ATL1: variants seen among roughly 807,000 people sequenced by gnomAD.
ATL1 encodes the protein atlastin-1.
A neutral mutation model predicts 75.5 loss-of-function variants in ATL1; 31 were observed. The observed-to-expected ratio is 0.41, with a 90% CI of 0.31 to 0.55. ATL1 has a LOEUF of 0.55. ATL1 is among the 20% of genes least tolerant of loss of function. The probability of loss-of-function intolerance (pLI) is 0.27; values close to 1 mark genes in which losing one functional copy is unlikely to be tolerated. For synonymous variants in ATL1, 226 were observed against 233.3 expected (o/e 0.97, Z 0.28); for missense variants, 405 against 662.6 (o/e 0.61, Z 4.27).
At chr14:50,570,544 A>G (rs1206028673) in intron 1 of ATL1, among the ~76,000 whole-genome samples, 3 of 151,948 alleles carry the variant, frequency 2.0e-5, no homozygotes, top group Non-Finnish European at 4.4e-5. Flanking sequence ...CTCAGTGTGG[A>G]ATTTCTTTTT....
rs200314808 is a variant in ATL1 at position 50,587,992 on chromosome 14, G to A, written c.196G>A (p.Glu66Lys). 5 of 1,614,064 alleles carry A rather than the reference G, an allele frequency of 3.1e-6. No individual in the cohort carries two copies. The highest frequency in any genetic ancestry group is 4.2e-6 in the Non-Finnish European group (5 of 1,180,050). ...ILLSEAVRDK[E>K]VVAVSVAGAF... is the part of the protein sequence containing the mutation. ...TCTCTCGGAGGCTGTCAGAGACAAG[G>A]AGGTTGTTGCTGTATCTGTTGCTGG... Residue 66 changes from glutamate (E) to lysine (K), a missense_variant, in exon 2 of 14, where the codon GAG (glutamate) becomes AAG (lysine). Coordinates refer to ENST00000358385, the MANE Select transcript of ATL1 (RefSeq NM_015915.5).
At position 50,591,033 on chromosome 14, in the gene ATL1, A is replaced by G. The variant is rs748035787; in HGVS notation, c.375A>G (p.Ile125Met). ...AGCGAGAGACCACAGGAATTCAGATATGGAGTGAAATCTTCCTTATCAATA... is the reference window on the plus strand; with the variant it reads ...AGCGAGAGACCACAGGAATTCAGATGTGGAGTGAAATCTTCCTTATCAATA... ...GSERETTGIQ[I>M]WSEIFLINKP... is the part of the protein sequence containing the mutation. Residue 125 changes from isoleucine to methionine, a missense_variant, in exon 3 of 14, where the codon ATA (isoleucine) becomes ATG (methionine). This residue lies in a region of ATL1 where 126 missense variants were observed against 172.0 expected (regional missense o/e 0.73). Transcript: ENST00000358385. 1.2e-6 allele frequency: 2 copies of G among 1,613,590 alleles called. No homozygotes were observed. The highest frequency in any genetic ancestry group is 2.2e-5 in the East Asian group (1 of 44,854).
At chr14:50,629,287 A>C (rs2039554151) in intron 12 of ATL1, among the ~76,000 whole-genome samples, 1 of 152,140 alleles carries the variant, frequency 6.6e-6, no homozygotes, top group Non-Finnish European at 1.5e-5. Flanking sequence ...TCCAGCATTA[A>C]GAACATACTT....
At chr14:50,573,353 C>T (rs1006106683) in intron 1 of ATL1, among the ~76,000 whole-genome samples, 1 of 152,144 alleles carries the variant, frequency 6.6e-6, no homozygotes, top group Non-Finnish European at 1.5e-5. Context: ...TGTGTCTGCA[C>T]TGTCCAATAT....
chr14:50,595,522 C>A, intron 5 of ATL1, 54 bp from the exon 6 acceptor site: 1 of 411,002 alleles, frequency 2.4e-6, no homozygotes, highest in South Asian at 5.6e-5. Context: ...CTAAAGTTCT[C>A]TCTCTCTCTC....
At chr14:50,547,149 G>T (rs767119664) in intron 1 of ATL1, among the ~76,000 whole-genome samples, 23 of 152,164 alleles carry the variant, frequency 1.5e-4, no homozygotes, top group Non-Finnish European at 2.9e-4. Context: ...AAATAAGTTA[G>T]AATAGTGATT....
At chr14:50,616,264 G>T (rs773996104) in intron 8 of ATL1, among the ~76,000 whole-genome samples, 1 of 152,014 alleles carries the variant, frequency 6.6e-6, no homozygotes, top group Non-Finnish European at 1.5e-5. Context: ...CTCCCAAAGT[G>T]CTGGGATTAC....
At chr14:50,590,242 C>T (rs1004764003) in intron 2 of ATL1, among the ~76,000 whole-genome samples, 6 of 152,136 alleles carry the variant, frequency 3.9e-5, no homozygotes, top group Non-Finnish European at 7.4e-5. Context: ...ACTAACTAGC[C>T]CTACCTACTT....
intron 1 of ATL1, among the ~76,000 whole-genome samples, chr14:50,583,959 GC>G (rs147267397): frequency 0.014 from 2,154 of 152,190 alleles, 41 homozygotes; most frequent in African/African-American, 0.049. Context: ...GAAAGAAGGG[GC>G]TTTGACAGAG....
chr14:50,564,895 G>T (rs980768664), intron 1 of ATL1, among the ~76,000 whole-genome samples: 7 of 151,938 alleles, frequency 4.6e-5, no homozygotes, highest in African/African-American at 1.7e-4. Flanking sequence ...TTCTTTTCCA[G>T]TTGGCTATAT....
intron 1 of ATL1, among the ~76,000 whole-genome samples, chr14:50,570,778 T>G (rs1436150938): frequency 6.6e-6 from 1 of 152,206 alleles, no homozygotes; most frequent in Admixed American, 6.5e-5. Flanking sequence ...TTGTATACTT[T>G]GTGATTTGTT....
intron 6 of ATL1, among the ~76,000 whole-genome samples, chr14:50,599,575 T>C (rs1354268943): frequency 1.3e-5 from 2 of 152,112 alleles, no homozygotes; most frequent in African/African-American, 4.8e-5. Context: ...TGTCCATCAC[T>C]AGCAGAACAG....
intron 2 of ATL1, among the ~76,000 whole-genome samples, chr14:50,590,259 T>C (rs2039143144): frequency 6.6e-6 from 1 of 152,212 alleles, no homozygotes; most frequent in African/African-American, 2.4e-5. Flanking sequence ...ACTTCTAGAA[T>C]AGTATCTTTC....
chr14:50,552,336 A>G (rs1277861561), intron 1 of ATL1, among the ~76,000 whole-genome samples: 2 of 152,250 alleles, frequency 1.3e-5, no homozygotes, highest in East Asian at 1.9e-4. Context: ...CTCTACAAGG[A>G]AAATTACAAA....
At chr14:50,539,883 G>A (rs2038539024) in intron 1 of ATL1, among the ~76,000 whole-genome samples, 1 of 152,240 alleles carries the variant, frequency 6.6e-6, no homozygotes, top group Admixed American at 6.5e-5. Context: ...CTGGCATACT[G>A]TAGAAGAAAG....
intron 8 of ATL1, among the ~76,000 whole-genome samples, chr14:50,618,887 ATATAT>A (rs2039439174): frequency 7.5e-6 from 1 of 132,950 alleles, no homozygotes; most frequent in Non-Finnish European, 1.5e-5. Context: ...GTATATATAT[ATATAT>A]TTTTTTTTCT....
chr14:50,560,123 C>T, upstream of ATL1: 2 of 951,882 alleles, frequency 2.1e-6, no homozygotes, highest in Non-Finnish European at 3.3e-6. Flanking sequence ...CTCCTTCCCA[C>T]CAGCGCCACA....
intron 1 of ATL1, among the ~76,000 whole-genome samples, chr14:50,535,502 T>A (rs1595561563): frequency 6.6e-6 from 1 of 152,262 alleles, no homozygotes; most frequent in Non-Finnish European, 1.5e-5. Flanking sequence ...GCTCTATAGA[T>A]CTGTTAAACA....
intron 1 of ATL1, among the ~76,000 whole-genome samples, chr14:50,562,769 G>C (rs1046718604): frequency 6.6e-6 from 1 of 152,158 alleles, no homozygotes; most frequent in Non-Finnish European, 1.5e-5. Flanking sequence ...TTACTACTTA[G>C]ATTTTTCTTT....
Sources: allele counts gnomAD v4.1 joint callset (sites outside exome capture counted in the v4.1 genomes callset), GRCh38; gene constraint gnomAD v4.1.1; regional missense constraint gnomAD v4.1.1; transcripts MANE v1.5; gene names NCBI Gene and HGNC (gene_info 2026-07-23, HGNC 2026-07-21).